MVB12A: variants seen among roughly 807,000 people sequenced by gnomAD.
The protein encoded by MVB12A is CIN85/CD2AP family binding protein.
Under a neutral mutation model 34.3 loss-of-function variants are expected in MVB12A, and 30 were observed. The ratio of observed to expected loss-of-function variants is 0.88; its 90% confidence interval spans 0.65 to 1.19. The LOEUF is 1.19. Ranked by LOEUF, MVB12A falls within the 50% of genes most tolerant of loss-of-function variation. The probability of loss-of-function intolerance (pLI) is 0.00; values close to 1 mark genes in which losing one functional copy is unlikely to be tolerated. For synonymous variants in MVB12A, 158 were observed against 158.9 expected, an observed-to-expected ratio of 0.99 and a Z score of 0.04; for missense variants, 355 against 369.2, an observed-to-expected ratio of 0.96 and a Z score of 0.31.
At chr19:17,410,135 A>G (rs1229298834) in intron 2 of MVB12A, among the ~76,000 whole-genome samples, 1 of 152,032 alleles carries the variant, frequency 6.6e-6, no homozygotes, top group African/African-American at 2.4e-5. Context: ...TCGCAATAAA[A>G]TTAGAAATGG....
At position 17,420,546 on chromosome 19, in the gene MVB12A, GGA is replaced by G. The variant is rs748556317; in HGVS notation, c.201_202del (p.Asn68ArgfsTer53). On this transcript the variant is annotated frameshift_variant, in exon 3 of 9. Coordinates refer to ENST00000317040, the MANE Select transcript of MVB12A (RefSeq NM_138401.4). LOFTEE classifies it high-confidence loss of function. ...SSLGSLENPQ[E>X]NVVADIQIVV... Reference sequence around the variant, plus strand: ...CCCCCTTCCACCCCCAGAACCCGCAGGAGAACGTGGTGGCCGATATCCAGATC... The same window carrying G: ...CCCCCTTCCACCCCCAGAACCCGCAGGAACGTGGTGGCCGATATCCAGATC... 6.2e-7 allele frequency: 1 copy of G among 1,613,828 alleles called. No individual in the cohort carries two copies. Among genetic ancestry groups the G allele is most frequent in the Non-Finnish European group, 8.5e-7 (1 of 1,179,746 alleles).
At chr19:17,408,258 G>A (rs1488891573) in intron 2 of MVB12A, among the ~76,000 whole-genome samples, 2 of 151,944 alleles carry the variant, frequency 1.3e-5, no homozygotes, top group African/African-American at 4.8e-5. Context: ...TACAAATGGT[G>A]GGATGGGTGC....
At chr19:17,423,170 TG>T (rs1472881674) in intron 4 of MVB12A, among the ~76,000 whole-genome samples, 2 of 132,832 alleles carry the variant, frequency 1.5e-5, no homozygotes, top group East Asian at 4.3e-4. Context: ...CTGGCCAACA[TG>T]GTGAAACTCC....
At chr19:17,423,342 T>C (rs1402637550) in intron 4 of MVB12A, among the ~76,000 whole-genome samples, 156 bp from the exon 5 acceptor site, 1 of 140,036 alleles carries the variant, frequency 7.1e-6, no homozygotes, top group Non-Finnish European at 1.5e-5. Flanking sequence ...CTGGGCAACA[T>C]GAGCGAAACT....
chr19:17,414,694 C>T (rs10422271), intron 2 of MVB12A: 40,152 of 151,716 alleles, frequency 0.26, 7,100 homozygotes, highest in African/African-American at 0.51. Flanking sequence ...CATAGTAAAA[C>T]CCCGTCTCTA....
In MVB12A at chr19:17,420,405, C is replaced by T. The variant is rs775966472; in HGVS notation, c.183C>T (p.Ser61=). 3.7e-6 allele frequency: 6 copies of T among 1,613,950 alleles called. 1 individual carries two copies. In the South Asian group the frequency reaches 6.6e-5, roughly 18 times the overall value. ...TCCTGTGCCTTAGTTCTCTGGGCAG[C>T]CTAGAGGTAAGAGGTGCCCACCTTC... The part of the protein sequence containing the change: ...GYFLCLSSLG[S]LENPQENVVA... Residue 61 remains serine (S), a synonymous_variant, in exon 2 of 9, where the codon AGC becomes AGT. Coordinates refer to ENST00000317040, the MANE Select transcript of MVB12A (RefSeq NM_138401.4).
intron 3 of MVB12A, among the ~76,000 whole-genome samples, chr19:17,421,577 G>GT (rs1341659404): frequency 7.9e-5 from 12 of 152,060 alleles, no homozygotes; most frequent in African/African-American, 2.9e-4. Flanking sequence ...CAGATGATGT[G>GT]TTTTGCATAT....
Position 17,423,677 on chromosome 19 carries a change from G to A in MVB12A, c.534-16G>A. On this transcript the variant is annotated splice_polypyrimidine_tract_variant and intron_variant, in intron 5 of 8. Transcript: ENST00000317040. Reference sequence around the variant, plus strand: ...TGTGGGAGGATGAGGCTTAACCTGAGTCATCCCACCTCCAGTAAGGGCGGC... The same window carrying A: ...TGTGGGAGGATGAGGCTTAACCTGAATCATCCCACCTCCAGTAAGGGCGGC... 1.2e-6 allele frequency: 2 copies of A among 1,613,708 alleles called. No individual in the cohort carries two copies. Among genetic ancestry groups the A allele is most frequent in the Non-Finnish European group, 8.5e-7 (1 of 1,179,818 alleles).
upstream of MVB12A, chr19:17,417,617 T>A (rs879740281): frequency 6.6e-6 from 1 of 150,518 alleles, no homozygotes; most frequent in Non-Finnish European, 1.5e-5. Flanking sequence ...AAAAAATAAA[T>A]AAATAAATAA....
chr19:17,408,082 A>G (rs1441527291), intron 2 of MVB12A, among the ~76,000 whole-genome samples: 1 of 152,156 alleles, frequency 6.6e-6, no homozygotes, highest in Non-Finnish European at 1.5e-5. Context: ...GGATTATTAT[A>G]CTATTGGGAT....
chr19:17,420,697 G>A, intron 3 of MVB12A, 63 bp downstream of exon 3: 3 of 1,227,462 alleles, frequency 2.4e-6, no homozygotes, highest in South Asian at 1.2e-5. Flanking sequence ...GGGGGAGGAG[G>A]GACGACGGGC....
At chr19:17,410,027 G>T (rs905607573) in intron 2 of MVB12A, among the ~76,000 whole-genome samples, 3 of 151,934 alleles carry the variant, frequency 2.0e-5, no homozygotes, top group Non-Finnish European at 4.4e-5. Context: ...AAAGTACTGC[G>T]ATTACAGCCA....
chr19:17,421,198 T>TTC (rs1555736029), intron 3 of MVB12A: 5 of 391,918 alleles, frequency 1.3e-5, no homozygotes, highest in Admixed American at 3.5e-5. Flanking sequence ...TTTTTTTTTT[T>TTC]CTTCAGACGG....
At position 17,425,058 on chromosome 19, in the gene MVB12A, CCTCA is replaced by C. The variant is rs1568393149; in HGVS notation, c.*68_*71del. 2.5e-5 allele frequency: 20 copies of C among 808,160 alleles called. No individual in the cohort carries two copies. The East Asian group carries it at 4.7e-4, about 19-fold the overall frequency. The allele number at this position is 808,160 out of a possible 1,614,324, so 50.1% of individuals were successfully genotyped here. A position where few individuals can be genotyped will look rare whatever the true frequency, so the allele number is the denominator to read the frequency against. On this transcript the variant is annotated 3_prime_UTR_variant, in exon 9 of 9. Coordinates refer to ENST00000317040, the MANE Select transcript of MVB12A (RefSeq NM_138401.4). Reference sequence around the variant, plus strand: ...TCCCCGCCAGCCTGGGGCCACCCCCCCTCACTGCATCCTGGGGCCACCCCCACTC... The same window carrying C: ...TCCCCGCCAGCCTGGGGCCACCCCCCCTGCATCCTGGGGCCACCCCCACTC...
chr19:17,412,554 AC>A (rs2074775889), intron 2 of MVB12A, among the ~76,000 whole-genome samples: 1 of 152,206 alleles, frequency 6.6e-6, no homozygotes, highest in South Asian at 2.1e-4. Flanking sequence ...GGTGTGAGCC[AC>A]TGCCCCCAGC....
At position 17,422,418 on chromosome 19, in the gene MVB12A, A is replaced by T; in HGVS notation, c.373A>T (p.Ser125Cys). The stretch of plus-strand genomic sequence containing the variant: ...CACGGCTGTGTTTGATGTCCGGCTG[A>T]GTGGGAAGACCAAGACAGTGCCTGG... ...TDTAVFDVRL[S>C]GKTKTVPGYL... Residue 125 changes from serine to cysteine, a missense_variant, in exon 4 of 9, where the codon AGT (serine) becomes TGT (cysteine). Coordinates refer to ENST00000317040, the MANE Select transcript of MVB12A (RefSeq NM_138401.4). The T allele has an allele frequency of 3.1e-6, 5 of 1,613,558 alleles. No individual in the cohort carries two copies. Among genetic ancestry groups the T allele is most frequent in the Non-Finnish European group, 4.2e-6 (5 of 1,179,748 alleles).
At chr19:17,410,539 CATATAT>C (rs1287902219) in intron 2 of MVB12A, among the ~76,000 whole-genome samples, 5 of 69,672 alleles carry the variant, frequency 7.2e-5, no homozygotes, top group South Asian at 6.8e-4. Flanking sequence ...TACACACACA[CATATAT>C]ATATACACAC....
chr19:17,410,529 T>TATATATATATATATACACACAC, intron 2 of MVB12A, among the ~76,000 whole-genome samples: 4 of 74,448 alleles, frequency 5.4e-5, no homozygotes, highest in African/African-American at 2.6e-4. Context: ...TATATATATA[T>TATATATATATATATACACACAC]ACACACACAC....
intron 2 of MVB12A, among the ~76,000 whole-genome samples, chr19:17,409,783 G>A (rs879714269): frequency 2.4e-4 from 36 of 151,110 alleles, no homozygotes; most frequent in African/African-American, 7.8e-4. Context: ...ATGGAGTCTC[G>A]GTCTGTCTCT....
Sources: allele counts gnomAD v4.1 joint callset (sites outside exome capture counted in the v4.1 genomes callset), GRCh38; gene constraint gnomAD v4.1.1; transcripts MANE v1.5; gene names NCBI Gene and HGNC (gene_info 2026-07-23, HGNC 2026-07-21).